The following ATP10B variants were observed in gnomAD, a reference collection of about 807,000 sequenced individuals.
ATP10B encodes ATPase phospholipid transporting 10B (putative).
Under a neutral mutation model 141.2 loss-of-function variants are expected in ATP10B, and 122 were observed. The observed-to-expected ratio is 0.86, with a 90% confidence interval of 0.75 to 1.00. The LOEUF (loss-of-function observed/expected upper bound fraction) is 1.00, where lower values mean the gene tolerates loss of function less well. Among genes scored for constraint, ATP10B ranks in the 50% least tolerant of loss-of-function variants. The pLI is 0.00. For synonymous variants in ATP10B, 685 were observed against 692.0 expected (o/e 0.99, Z 0.16); for missense variants, 1,876 against 1,825.3 (o/e 1.03, Z -0.51).
At chr5:160,822,222 CA>C (rs921258748) in intron 1 of ATP10B, among the ~76,000 whole-genome samples, 3 of 151,822 alleles carry the variant, frequency 2.0e-5, no homozygotes, top group African/African-American at 7.3e-5. Context: ...AGACATTTTG[CA>C]AAAGAAAACA....
intron 6 of ATP10B, among the ~76,000 whole-genome samples, chr5:160,684,378 G>C (rs1397834013): frequency 6.6e-6 from 1 of 152,142 alleles, no homozygotes; most frequent in Non-Finnish European, 1.5e-5. Flanking sequence ...AGGTTATATT[G>C]CTTGTCTAAA....
chr5:160,684,743 A>G lies in ATP10B; in HGVS notation c.470+1336T>C, dbSNP rs139319749. 6.1e-4 allele frequency: 372 copies of G among 609,552 alleles called. 1 individual carries two copies. The African/African-American group carries it at 6.2e-3, about 10-fold the overall frequency. The allele number at this position is 609,552 out of a possible 1,614,324, so 37.8% of individuals were successfully genotyped here. ...TGAAATAAAATAATGATATCTCCCT[A>G]CTCCATCCCTTCTACAAACAGTAAC... On this transcript the variant is annotated intron_variant, in intron 6 of 25. Transcript: ENST00000327245.
intron 3 of ATP10B, among the ~76,000 whole-genome samples, chr5:160,707,226 C>T (rs1041556762): frequency 6.6e-6 from 1 of 152,220 alleles, no homozygotes. Context: ...GCTGGGATTA[C>T]AGGCATGAGC....
At chr5:160,906,807 A>T in the ATP10B span, among the ~76,000 whole-genome samples, 1 of 152,162 alleles carries the variant, frequency 6.6e-6, no homozygotes, top group Admixed American at 6.5e-5. Flanking sequence ...GTACAGGAAT[A>T]AGAAGCCAAT....
At position 160,612,878 on chromosome 5, in the gene ATP10B, T is replaced by C. The variant is rs1035293023; in HGVS notation, c.2701A>G (p.Ile901Val). ...ATCCCAGCCTCCCGCAGAGTGGCAA[T>C]CGTATCTGGAACTCCTTCCTGCAGC... The part of the protein sequence containing the change: ...DRLQEGVPDT[I>V]ATLREAGIQL... The change falls in exon 18 of 26, where the codon ATT (isoleucine) becomes GTT (valine). Residue 901 changes from isoleucine to valine, a missense_variant. Physicochemically the swap from Ile to Val is conservative, Grantham distance 29. Transcript: ENST00000327245. 2 of 1,613,828 alleles carry C rather than the reference T, an allele frequency of 1.2e-6. No homozygotes were observed. The highest frequency in any genetic ancestry group is 1.7e-6 in the Non-Finnish European group (2 of 1,179,918).
intron 2 of ATP10B, among the ~76,000 whole-genome samples, chr5:160,735,422 G>A (rs182060031): frequency 6.6e-6 from 1 of 152,152 alleles, no homozygotes; most frequent in Admixed American, 6.5e-5. Flanking sequence ...TAATGATAAA[G>A]GGGTCAATTT....
At chr5:160,706,145 A>T (rs1291916243) in intron 3 of ATP10B, among the ~76,000 whole-genome samples, 1 of 152,226 alleles carries the variant, frequency 6.6e-6, no homozygotes, top group East Asian at 1.9e-4. Context: ...AACATCAAAG[A>T]TCACTGATCA....
intron 1 of ATP10B, among the ~76,000 whole-genome samples, chr5:160,844,221 CAT>C (rs889761141): frequency 6.6e-6 from 1 of 152,028 alleles, no homozygotes; most frequent in Admixed American, 6.6e-5. Flanking sequence ...CACACACACA[CAT>C]ATATGTGCTA....
chr5:160,604,910 A>C (rs1451103502), intron 19 of ATP10B, among the ~76,000 whole-genome samples: 1 of 152,256 alleles, frequency 6.6e-6, no homozygotes, highest in Non-Finnish European at 1.5e-5. Context: ...GGCCTTCCCC[A>C]GAAGCCAAAC....
intron 24 of ATP10B, among the ~76,000 whole-genome samples, chr5:160,585,093 A>C (rs1042981964): frequency 1.3e-5 from 2 of 152,098 alleles, no homozygotes. Flanking sequence ...CTTCTCCATC[A>C]TTCTTTTTTC....
chr5:160,636,025 A>G (rs993702907), intron 11 of ATP10B, among the ~76,000 whole-genome samples, 157 bp downstream of exon 11: 1 of 152,232 alleles, frequency 6.6e-6, no homozygotes. Context: ...CAAAATGTGA[A>G]TACTTTCAAA....
At chr5:160,824,207 A>G (rs953835084) in intron 1 of ATP10B, among the ~76,000 whole-genome samples, 2 of 151,962 alleles carry the variant, frequency 1.3e-5, no homozygotes, top group Non-Finnish European at 2.9e-5. Context: ...TAGTAGAGAC[A>G]GGGTTTCACC....
intron 2 of ATP10B, among the ~76,000 whole-genome samples, chr5:160,776,041 A>G (rs1277729332): frequency 6.6e-6 from 1 of 152,274 alleles, no homozygotes; most frequent in African/African-American, 2.4e-5. Context: ...TATAAATATT[A>G]GCTATTGTGG....
intron 7 of ATP10B, among the ~76,000 whole-genome samples, chr5:160,665,632 A>G (rs1005186287): frequency 6.6e-6 from 1 of 152,242 alleles, no homozygotes; most frequent in African/African-American, 2.4e-5. Flanking sequence ...ACCACGGACC[A>G]TGAGTTTTTC....
chr5:160,883,078 G>A, the ATP10B span, among the ~76,000 whole-genome samples: 3 of 152,154 alleles, frequency 2.0e-5, no homozygotes, highest in Admixed American at 2.0e-4. Flanking sequence ...CAAGTTTTAA[G>A]GGATGACAGT....
At chr5:160,835,394 A>C (rs761645807) in intron 1 of ATP10B, among the ~76,000 whole-genome samples, 12 of 152,122 alleles carry the variant, frequency 7.9e-5, no homozygotes, top group Non-Finnish European at 1.8e-4. Context: ...AGGGGAGTAG[A>C]AAATGACAAG....
chr5:160,582,573 AT>A (rs1232491040), intron 24 of ATP10B, among the ~76,000 whole-genome samples: 1 of 151,816 alleles, frequency 6.6e-6, no homozygotes, highest in Non-Finnish European at 1.5e-5. Context: ...TGCCCTTAGT[AT>A]TTTTTCCTTC....
chr5:160,798,230 G>C (rs1433838519), intron 1 of ATP10B, among the ~76,000 whole-genome samples: 1 of 152,184 alleles, frequency 6.6e-6, no homozygotes, highest in Non-Finnish European at 1.5e-5. Flanking sequence ...TGTGGCTAGA[G>C]CTCAGCTGGT....
intron 18 of ATP10B, among the ~76,000 whole-genome samples, chr5:160,609,299 C>G (rs549907463): frequency 1.3e-5 from 2 of 151,904 alleles, no homozygotes; most frequent in East Asian, 3.9e-4. Flanking sequence ...ACTGTGAAAG[C>G]AGTTCTGAAG....
Sources: gnomAD v4.1 joint callset for allele counts (sites outside exome capture counted in the v4.1 genomes callset) on GRCh38, gnomAD v4.1.1 for gene constraint, MANE v1.5 for transcripts, NCBI Gene and HGNC (gene_info 2026-07-23, HGNC 2026-07-21) for gene names.